Variants in KLHL22 observed in about 807,000 individuals in gnomAD.
KLHL22 encodes the protein kelch like family member 22.
Under a neutral mutation model 60.7 loss-of-function variants are expected in KLHL22, and 18 were observed. That is an observed-to-expected ratio of 0.30 (90% confidence interval 0.20 to 0.44). The LOEUF (loss-of-function observed/expected upper bound fraction) is 0.44, where lower values mean the gene tolerates loss of function less well. Ranked by LOEUF, KLHL22 falls within the 20% of genes least tolerant of loss-of-function variation. KLHL22 has a pLI of 1.00. For synonymous variants in KLHL22, 355 were observed against 354.5 expected, an observed-to-expected ratio of 1.00 and a Z score of -0.01; for missense variants, 596 against 852.3, an observed-to-expected ratio of 0.70 and a Z score of 3.74.
At chr22:20,461,013 A>T (rs1569130054) in intron 4 of KLHL22, among the ~76,000 whole-genome samples, 1 of 152,232 alleles carries the variant, frequency 6.6e-6, no homozygotes, top group Non-Finnish European at 1.5e-5. Flanking sequence ...TCTCTCCACC[A>T]TGTGAGAACA....
intron 2 of KLHL22, among the ~76,000 whole-genome samples, chr22:20,486,253 C>G (rs1418459469): frequency 6.6e-6 from 1 of 152,034 alleles, no homozygotes; most frequent in Non-Finnish European, 1.5e-5. Flanking sequence ...CCTCCCTCTC[C>G]CTTTGCCCTT....
chr22:20,470,827 G>GATGT (rs1423348774), intron 3 of KLHL22, among the ~76,000 whole-genome samples: 1 of 142,554 alleles, frequency 7.0e-6, no homozygotes. Flanking sequence ...TGGATGGATG[G>GATGT]ATGCATGCAT....
chr22:20,472,905 T>C (rs962634630), intron 2 of KLHL22, among the ~76,000 whole-genome samples: 4 of 150,874 alleles, frequency 2.7e-5, no homozygotes, highest in Non-Finnish European at 5.9e-5. Flanking sequence ...GGGGAGGGAG[T>C]TCCAGGTGAA....
chr22:20,457,023 CCTGCTAGGGTACCCCTAGTA>C (rs1490330163), intron 5 of KLHL22, among the ~76,000 whole-genome samples: 4 of 138,384 alleles, frequency 2.9e-5, no homozygotes, highest in African/African-American at 5.7e-5. Flanking sequence ...AGCGGGGTGC[CCTGCTAGGGTACCCCTAGTA>C]CTGCTAGGGT....
intron 5 of KLHL22, among the ~76,000 whole-genome samples, chr22:20,455,287 A>G: frequency 6.6e-6 from 1 of 152,118 alleles, no homozygotes; most frequent in Admixed American, 6.5e-5. Context: ...CTCCAGCTCC[A>G]CAGCTGTGTG....
At chr22:20,469,141 G>C (rs1260514711) in intron 3 of KLHL22, among the ~76,000 whole-genome samples, 1 of 152,158 alleles carries the variant, frequency 6.6e-6, no homozygotes, top group African/African-American at 2.4e-5. Context: ...GTTTCAGTGT[G>C]TGTGATCACT....
chr22:20,494,626 C>T (rs1029040983), intron 1 of KLHL22, among the ~76,000 whole-genome samples: 1 of 152,168 alleles, frequency 6.6e-6, no homozygotes, highest in African/African-American at 2.4e-5. Flanking sequence ...ATCTGCCAGC[C>T]TTGGCCTCCC....
chr22:20,457,395 G>T (rs1298429146), intron 5 of KLHL22, among the ~76,000 whole-genome samples: 1 of 152,134 alleles, frequency 6.6e-6, no homozygotes, highest in Non-Finnish European at 1.5e-5. Context: ...GAGGTCTGAG[G>T]ATAGGCCAGT....
chr22:20,465,764 T>G lies in KLHL22; in HGVS notation c.394-188A>C. ...CTTACTGCAGACTAGGTTTAAGTCC[T>G]GGTTTGGAAACATACTGGGTGACAG... is the stretch of plus-strand genomic sequence containing the variant. On this transcript the variant is annotated intron_variant, in intron 3 of 6. Transcript: ENST00000328879. The surrounding 1 kb of genome is among the most constrained non-coding windows in gnomAD (Gnocchi z 4.9). 1.7e-6 allele frequency: 1 copy of G among 603,056 alleles called. No homozygotes were observed. Among genetic ancestry groups the G allele is most frequent in the South Asian group, 2.0e-5 (1 of 51,040 alleles). 37.4% of individuals were successfully genotyped at this position (603,056 alleles called of 1,614,324 possible). A position where few individuals can be genotyped will look rare whatever the true frequency, so the allele number is the denominator to read the frequency against.
At chr22:20,448,411 A>G (rs1246194446) in intron 5 of KLHL22, among the ~76,000 whole-genome samples, 2 of 152,362 alleles carry the variant, frequency 1.3e-5, no homozygotes, top group South Asian at 2.1e-4. Flanking sequence ...GGTACTCAAC[A>G]TGTACCAATA....
In KLHL22 at chr22:20,457,809, T is replaced by C. The variant is rs1426447812; in HGVS notation, c.1304A>G (p.Glu435Gly). The C allele has an allele frequency of 6.3e-7, 1 of 1,593,174 alleles. No homozygotes were observed. Among genetic ancestry groups the C allele is most frequent in the South Asian group, 1.1e-5 (1 of 88,180 alleles). ...SWAYVAPLKR[E>G]VYAHAGATLE... The stretch of plus-strand genomic sequence containing the variant: ...GCCCCTCTTCGAGGGCTTCCTTACC[T>C]CCCTCTTGAGTGGGGCCACGTATGC... Residue 435 changes from glutamate to glycine, a missense_variant and splice_region_variant, in exon 5 of 7, where the codon GAG becomes GGG. Glu to Gly is a moderately conservative substitution (Grantham distance 98). Coordinates refer to ENST00000328879, the MANE Select transcript of KLHL22 (RefSeq NM_032775.4).
chr22:20,481,168 A>G (rs2053495015), intron 2 of KLHL22: 1 of 152,186 alleles, frequency 6.6e-6, no homozygotes, highest in Admixed American at 6.5e-5. Flanking sequence ...GGCTGGGCCA[A>G]AGTTAGCTGA....
intron 2 of KLHL22, among the ~76,000 whole-genome samples, chr22:20,479,104 G>T (rs941631447): frequency 2.0e-5 from 3 of 151,546 alleles, no homozygotes; most frequent in African/African-American, 7.3e-5. Context: ...ACTCCAGCCT[G>T]GGCGACAGAG....
At chr22:20,479,226 A>C (rs1341407392) in intron 2 of KLHL22, among the ~76,000 whole-genome samples, 1 of 152,012 alleles carries the variant, frequency 6.6e-6, no homozygotes, top group South Asian at 2.1e-4. Context: ...GACTATAGGC[A>C]TGCACCATCA....
chr22:20,452,185 C>T (rs1455825861), intron 5 of KLHL22, among the ~76,000 whole-genome samples: 1 of 151,422 alleles, frequency 6.6e-6, no homozygotes, highest in Non-Finnish European at 1.5e-5. Flanking sequence ...TGAGTATAGC[C>T]TACTAGATGT....
At chr22:20,459,461 C>T (rs2053118793) in intron 4 of KLHL22, among the ~76,000 whole-genome samples, 1 of 152,176 alleles carries the variant, frequency 6.6e-6, no homozygotes, top group South Asian at 2.1e-4. Context: ...GCTGGGTGTG[C>T]CTGGGCATCA....
chr22:20,447,099 C>T (rs2052878096), intron 5 of KLHL22, among the ~76,000 whole-genome samples: 1 of 152,232 alleles, frequency 6.6e-6, no homozygotes, highest in South Asian at 2.1e-4. Context: ...CCTGCTGACC[C>T]TGCTTTTAAA....
At chr22:20,467,995 C>T (rs1346347044) in intron 3 of KLHL22, among the ~76,000 whole-genome samples, 1 of 152,144 alleles carries the variant, frequency 6.6e-6, no homozygotes, top group Admixed American at 6.5e-5. Flanking sequence ...CTAACTATAA[C>T]TTTTTTAAAA....
chr22:20,483,899 C>T, intron 2 of KLHL22: 1 of 690,244 alleles, frequency 1.4e-6, no homozygotes, highest in Non-Finnish European at 2.6e-6. Flanking sequence ...CTGCCAGATC[C>T]CCAGCCATCC....
Sources: allele counts gnomAD v4.1 joint callset (sites outside exome capture counted in the v4.1 genomes callset), GRCh38; gene constraint gnomAD v4.1.1; non-coding constraint Gnocchi (gnomAD v3.1); transcripts MANE v1.5; gene names NCBI Gene and HGNC (gene_info 2026-07-23, HGNC 2026-07-21).